The following SPNS2 variants were observed in gnomAD, a reference collection of about 807,000 sequenced individuals.
The protein encoded by SPNS2 is SPNS lysolipid transporter 2, sphingosine-1-phosphate, also known as sphingosine-1-phosphate transporter SPNS2.
In SPNS2, 37 loss-of-function variants were observed where a neutral mutation model predicts 57.6. The observed-to-expected ratio is 0.64, with a 90% CI of 0.49 to 0.85. The LOEUF is 0.85. SPNS2 is among the 40% of genes least tolerant of loss of function. SPNS2 has a pLI of 0.00. For missense variants in SPNS2, 831 were observed against 779.1 expected, an observed-to-expected ratio of 1.07 and a Z score of -0.79; for synonymous variants, 440 against 346.9, an observed-to-expected ratio of 1.27 and a Z score of -2.98.
rs1425973928 is a variant in SPNS2, at chr17:4,538,866, G to GCGATGTTTT, written c.*1420_*1428dup. 7.7e-6 allele frequency: 6 copies of GCGATGTTTT among 780,720 alleles called. No individual in the cohort carries two copies. The highest frequency in any genetic ancestry group is 1.4e-5 in the Non-Finnish European group (6 of 418,072). 48.4% of individuals were successfully genotyped at this position (780,720 alleles called of 1,614,324 possible). A position where few individuals can be genotyped will look rare whatever the true frequency, so the allele number is the denominator to read the frequency against. On this transcript the variant is annotated 3_prime_UTR_variant, in exon 13 of 13. Transcript: ENST00000329078. The stretch of plus-strand genomic sequence containing the variant: ...CCACTCCAGCCTCAGCGGGGCCCCA[G>GCGATGTTTT]CGATGTTTTCTTGTTGTACAAGAAC...
Position 4,536,860 on chromosome 17 carries a change from G to A in SPNS2, c.1608-40G>A, listed in dbSNP as rs368566970. 330 of 1,593,036 alleles carry A rather than the reference G, an allele frequency of 2.1e-4. No individual in the cohort carries two copies. In the African/African-American group the frequency reaches 2.9e-3, roughly 14 times the overall value. On this transcript the variant is annotated intron_variant, in intron 11 of 12. Coordinates refer to ENST00000329078, the MANE Select transcript of SPNS2 (RefSeq NM_001124758.3). ...AGAGCAGTGCCCGGGCCCGGCCCCC[G>A]CTGATGCACCACCCTGACCCCCGCC...
In SPNS2 at chr17:4,499,662, A is replaced by T; in HGVS notation, c.370+245A>T. ...GGGATAGAGGAGTCCCCACCCCTGG[A>T]GCAGCCCGCGCGTCCTCTCCAGCCC... On this transcript the variant is annotated intron_variant, in intron 1 of 12. Transcript: ENST00000329078. This position sits in a 1 kb window ranked among gnomAD's most constrained non-coding sequence, Gnocchi z 5.2. 2.8e-6 allele frequency: 1 copy of T among 357,770 alleles called. No homozygotes were observed. Among genetic ancestry groups the T allele is most frequent in the Non-Finnish European group, 5.0e-6 (1 of 199,584 alleles). The allele number at this position is 357,770 out of a possible 1,614,324, so 22.2% of individuals were successfully genotyped here.
At chr17:4,530,575 G>C in intron 3 of SPNS2, 57 bp from the exon 4 acceptor site, 17 of 1,571,028 alleles carry the variant, frequency 1.1e-5, no homozygotes, top group Non-Finnish European at 1.5e-5. Flanking sequence ...GGGAACAAGG[G>C]ATGACAGGCA....
At position 4,533,308 on chromosome 17, in the gene SPNS2, C is replaced by T. The variant is rs773452106; in HGVS notation, c.1154C>T (p.Thr385Met). ...GGCGTGGTCACGGGGGCAGGAGCCACGCGCTGGTGCCGCCTGAAGACCCAG... is the reference window on the plus strand; with the variant it reads ...GGCGTGGTCACGGGGGCAGGAGCCATGCGCTGGTGCCGCCTGAAGACCCAG... ...FLGVVTGAGA[T>M]RWCRLKTQRA... Residue 385 changes from threonine to methionine, a missense_variant, in exon 8 of 13, where the codon ACG (threonine) becomes ATG (methionine). Thr to Met is a moderately conservative substitution (Grantham distance 81). Transcript: ENST00000329078. 43 of 1,611,526 alleles carry T rather than the reference C, an allele frequency of 2.7e-5. No homozygotes were observed. In the Admixed American group the frequency reaches 4.8e-4, roughly 18 times the overall value.
At chr17:4,531,150 C>G (rs768984581) in intron 5 of SPNS2, 31 bp downstream of exon 5, 8 of 1,609,234 alleles carry the variant, frequency 5.0e-6, no homozygotes, top group Non-Finnish European at 5.1e-6. Flanking sequence ...CATGAGGACA[C>G]CCTCCGGTCC....
At chr17:4,521,011 G>A (rs1162676731) in intron 2 of SPNS2, among the ~76,000 whole-genome samples, 1 of 152,148 alleles carries the variant, frequency 6.6e-6, no homozygotes, top group Non-Finnish European at 1.5e-5. Context: ...GTATATTCTT[G>A]ATGTTAAGTA....
In SPNS2 at chr17:4,533,443, C is replaced by A. The variant is rs759950498; in HGVS notation, c.1278+11C>A. 6.3e-7 allele frequency: 1 copy of A among 1,584,882 alleles called. No homozygotes were observed. The highest frequency in any genetic ancestry group is 8.6e-7 in the Non-Finnish European group (1 of 1,164,802). ...ATCGTAGGAGCCTATGTGAGTGCAGCGGGGGTCAAGGGTGCTGGGGGAGCT... is the reference window on the plus strand; with the variant it reads ...ATCGTAGGAGCCTATGTGAGTGCAGAGGGGGTCAAGGGTGCTGGGGGAGCT... On this transcript the variant is annotated intron_variant, in intron 8 of 12. Transcript: ENST00000329078.
At chr17:4,528,420 G>C (rs1905324791) in intron 3 of SPNS2, among the ~76,000 whole-genome samples, 1 of 152,152 alleles carries the variant, frequency 6.6e-6, no homozygotes. Context: ...GCAAGTTACA[G>C]GATAAGATGC....
At chr17:4,527,813 G>C (rs11658631) in intron 3 of SPNS2, among the ~76,000 whole-genome samples, 49,547 of 151,886 alleles carry the variant, frequency 0.33, 8,079 homozygotes, top group Admixed American at 0.35. Flanking sequence ...ATTGGTAGAG[G>C]CTCTTTGGAG....
chr17:4,517,121 G>T (rs150053407), intron 2 of SPNS2, among the ~76,000 whole-genome samples: 2 of 152,266 alleles, frequency 1.3e-5, no homozygotes, highest in African/African-American at 2.4e-5. Context: ...TCCCCAGGCT[G>T]CTGGGTAGTT....
rs112198381 is a variant in SPNS2 at position 4,525,851 on chromosome 17, C to T, written c.573+658C>T. On this transcript the variant is annotated intron_variant, in intron 3 of 12. Transcript: ENST00000329078. ...CTGTGAAGGTCCAGACCCTGGAACA[C>T]GGCGAGTGCTCAGCCAGTCATTGTT... Among the ~76,000 whole-genome samples, 609 of 152,318 alleles carry T rather than the reference C, an allele frequency of 4.0e-3. 5 individuals carry two copies. Among genetic ancestry groups the T allele is most frequent in the African/African-American group, 0.014 (577 of 41,558 alleles).
Position 4,511,103 on chromosome 17 carries a change from C to T in SPNS2, c.371-2144C>T, listed in dbSNP as rs774466330. 4.6e-5 allele frequency among the ~76,000 whole-genome samples: 7 copies of T among 152,214 alleles called. No individual in the cohort carries two copies. The highest frequency in any genetic ancestry group is 7.3e-5 in the Non-Finnish European group (5 of 68,036). On this transcript the variant is annotated intron_variant, in intron 1 of 12. Transcript: ENST00000329078. This position sits in a 1 kb window ranked among gnomAD's most constrained non-coding sequence, Gnocchi z 4.6. ...GAACTTAGCGGGAAGCGGTAACTAG[C>T]GGCTCTCAGCTCAGGAGGAGCTCAT...
At chr17:4,527,297 TA>T (rs1315040262) in intron 3 of SPNS2, among the ~76,000 whole-genome samples, 7 of 152,208 alleles carry the variant, frequency 4.6e-5, no homozygotes, top group African/African-American at 1.7e-4. Flanking sequence ...GTTATCAAAA[TA>T]CAGTGATTGT....
rs117935929 is a variant in SPNS2 at position 4,517,683 on chromosome 17, G to T, written c.436+4371G>T. 6.4e-3 allele frequency among the ~76,000 whole-genome samples: 981 copies of T among 152,230 alleles called. 8 individuals are homozygous for T. Among genetic ancestry groups the T allele is most frequent in the Non-Finnish European group, 7.7e-3 (526 of 68,000 alleles). On this transcript the variant is annotated intron_variant, in intron 2 of 12. Transcript: ENST00000329078. ...AAAAAAAAAATTAATAGAGCATACA[G>T]TTCTCCCTCATTTTTTTGAGAGGGA...
rs752655811 is a variant in SPNS2, at chr17:4,499,362, C to T, written c.315C>T (p.Ala105=). Residue 105 remains alanine (A), a synonymous_variant, in exon 1 of 13, where the codon GCC becomes GCT. Coordinates refer to ENST00000329078, the MANE Select transcript of SPNS2 (RefSeq NM_001124758.3). The surrounding 1 kb of genome is among the most constrained non-coding windows in gnomAD (Gnocchi z 5.2). ...ASLGRGRGAA[A]AILSLGNVLN... ...TGGGCCGCGGGCGGGGGGCAGCCGC[C>T]GCCATCCTCAGCTTGGGCAACGTGC... 52 of 1,428,594 alleles carry T rather than the reference C, an allele frequency of 3.6e-5. No homozygotes were observed. The highest frequency in any genetic ancestry group is 2.1e-4 in the African/African-American group (14 of 67,188). The allele number at this position is 1,428,594 out of a possible 1,614,324, so 88.5% of individuals were successfully genotyped here.
At chr17:4,534,088 G>A (rs997756614) in intron 9 of SPNS2, among the ~76,000 whole-genome samples, 1 of 152,146 alleles carries the variant, frequency 6.6e-6, no homozygotes, top group African/African-American at 2.4e-5. Context: ...TGAGGGGGAG[G>A]GGGCATCTCG....
At position 4,536,435 on chromosome 17, in the gene SPNS2, G is replaced by A. The variant is rs202095554; in HGVS notation, c.1607+9G>A. ...GCCAGGGCTGAGCAGCAGTGAGTGGGGGGGAGGGGAGGCCCTGCTGCACCG... is the reference window on the plus strand; with the variant it reads ...GCCAGGGCTGAGCAGCAGTGAGTGGAGGGGAGGGGAGGCCCTGCTGCACCG... On this transcript the variant is annotated intron_variant, in intron 11 of 12. Coordinates refer to ENST00000329078, the MANE Select transcript of SPNS2 (RefSeq NM_001124758.3). The A allele has an allele frequency of 3.0e-5, 47 of 1,592,040 alleles. No individual in the cohort carries two copies. The African/African-American group carries it at 5.6e-4, about 19-fold the overall frequency.
Position 4,538,154 on chromosome 17 carries a change from G to A in SPNS2, c.*706G>A. 1.4e-5 allele frequency: 4 copies of A among 285,694 alleles called. No homozygotes were observed. In the South Asian group the frequency reaches 1.4e-4, roughly 10 times the overall value. The allele number at this position is 285,694 out of a possible 1,614,324, so 17.7% of individuals were successfully genotyped here. ...GGCATCACCAGGGGTGAAGGCCCTG[G>A]CTGCAGCTGTACACCACCTGTGCCC... is the stretch of plus-strand genomic sequence containing the variant. On this transcript the variant is annotated 3_prime_UTR_variant, in exon 13 of 13. Coordinates refer to ENST00000329078, the MANE Select transcript of SPNS2 (RefSeq NM_001124758.3).
intron 11 of SPNS2, 168 bp downstream of exon 11, chr17:4,536,594 C>A: frequency 1.1e-6 from 1 of 906,120 alleles, no homozygotes; most frequent in Non-Finnish European, 1.6e-6. Context: ...CCAGGGTCAG[C>A]CTGGAGCTGT....
Sources: allele counts gnomAD v4.1 joint callset (sites outside exome capture counted in the v4.1 genomes callset), GRCh38; gene constraint gnomAD v4.1.1; non-coding constraint Gnocchi (gnomAD v3.1); transcripts MANE v1.5; gene names NCBI Gene and HGNC (gene_info 2026-07-23, HGNC 2026-07-21).